Variants in SLC30A7 observed in about 807,000 individuals in gnomAD.
SLC30A7 encodes the protein solute carrier family 30 member 7, also known as zinc transporter 7.
A neutral mutation model predicts 46.0 loss-of-function variants in SLC30A7; 35 were observed. The observed-to-expected ratio is 0.76, with a 90% confidence interval of 0.58 to 1.01. SLC30A7 has a LOEUF of 1.01. SLC30A7 is among the 50% of genes least tolerant of loss of function. The pLI, the probability that SLC30A7 is intolerant of heterozygous loss-of-function variation, is 0.00. For missense variants in SLC30A7, 464 were observed against 451.1 expected (o/e 1.03, Z -0.26); for synonymous variants, 147 against 157.8 (o/e 0.93, Z 0.51).
the SLC30A7 span, chr1:100,990,598 G>T: frequency 6.2e-7 from 1 of 1,613,858 alleles, no homozygotes; most frequent in Non-Finnish European, 8.5e-7. Context: ...TCCAACCCTG[G>T]CTAAGCCAAC....
chr1:100,942,787 G>A (rs766477641), intron 8 of SLC30A7, among the ~76,000 whole-genome samples: 1 of 152,206 alleles, frequency 6.6e-6, no homozygotes, highest in Non-Finnish European at 1.5e-5. Flanking sequence ...ATTTAAAAGA[G>A]TGTTTTTAAC....
At chr1:100,897,886 C>A (rs1317387280) in intron 2 of SLC30A7, among the ~76,000 whole-genome samples, 1 of 151,990 alleles carries the variant, frequency 6.6e-6, no homozygotes, top group Non-Finnish European at 1.5e-5. Flanking sequence ...TGAAGGATAC[C>A]CCATCATAGA....
chr1:100,941,033 C>A, intron 8 of SLC30A7: 1 of 343,404 alleles, frequency 2.9e-6, no homozygotes, highest in Non-Finnish European at 5.6e-6. Flanking sequence ...CTGCTACTGC[C>A]ATAGCTTCTG....
At chr1:100,936,147 A>G (rs995828372) in intron 8 of SLC30A7, among the ~76,000 whole-genome samples, 13 of 149,220 alleles carry the variant, frequency 8.7e-5, no homozygotes, top group South Asian at 2.1e-4. Context: ...AGTATTTTCT[A>G]TGGGTGAATT....
chr1:100,910,820 A>G (rs1033248971), intron 3 of SLC30A7, among the ~76,000 whole-genome samples: 13 of 152,136 alleles, frequency 8.5e-5, no homozygotes, highest in Admixed American at 6.5e-4. Flanking sequence ...TACTCTAAGA[A>G]GATCTTTGGA....
chr1:100,918,228 A>G (rs1652715806), intron 7 of SLC30A7, 101 bp downstream of exon 7: 2 of 979,650 alleles, frequency 2.0e-6, no homozygotes, highest in South Asian at 2.9e-5. Context: ...AATATAAAAC[A>G]TAGTGTTTGT....
At chr1:100,962,935 G>A (rs956063100) in intron 9 of SLC30A7, among the ~76,000 whole-genome samples, 3 of 152,148 alleles carry the variant, frequency 2.0e-5, no homozygotes, top group Non-Finnish European at 4.4e-5. Context: ...GGGAGAGAAA[G>A]TGTTGGCTTA....
At chr1:100,898,872 A>G (rs1651133532) in intron 2 of SLC30A7, among the ~76,000 whole-genome samples, 2 of 152,336 alleles carry the variant, frequency 1.3e-5, no homozygotes, top group South Asian at 4.1e-4. Flanking sequence ...TTCTGTAAAA[A>G]TAAATTTCAA....
Position 100,917,965 on chromosome 1 carries a change from G to C in SLC30A7, c.656-112G>C, listed in dbSNP as rs564905440. ...AAAAATAAATTTGTAAGTTTGATAT[G>C]GCTATATAGCCATGCATTCTTGATG... On this transcript the variant is annotated intron_variant, in intron 6 of 10. Transcript: ENST00000357650. 2.8e-4 allele frequency: 188 copies of C among 672,708 alleles called. No homozygotes were observed. The South Asian group carries it at 4.8e-3, about 17-fold the overall frequency. The allele number at this position is 672,708 out of a possible 1,614,324, so 41.7% of individuals were successfully genotyped here.
At chr1:100,984,050 C>T (rs1013446376), downstream of SLC30A7, among the ~76,000 whole-genome samples, 2 of 152,190 alleles carry the variant, frequency 1.3e-5, no homozygotes, top group Admixed American at 6.5e-5. Flanking sequence ...AAAGTTACTA[C>T]ATTTGTAGTT....
At chr1:100,921,959 T>C in intron 8 of SLC30A7, 118 bp downstream of exon 8, 1 of 994,714 alleles carries the variant, frequency 1.0e-6, no homozygotes, top group Non-Finnish European at 1.4e-6. Flanking sequence ...GCTTTTTTTT[T>C]TTTTTTTTTT....
chr1:100,950,581 G>A (rs1654899223), intron 8 of SLC30A7, among the ~76,000 whole-genome samples: 1 of 152,090 alleles, frequency 6.6e-6, no homozygotes, highest in Admixed American at 6.5e-5. Context: ...TCTTGCCAAG[G>A]TCCACTGGGG....
chr1:100,903,705 G>C (rs544768817), intron 2 of SLC30A7, among the ~76,000 whole-genome samples: 31 of 152,142 alleles, frequency 2.0e-4, no homozygotes, highest in African/African-American at 7.2e-4. Flanking sequence ...GTAATGATTT[G>C]GCAGAGGTTT....
intron 2 of SLC30A7, among the ~76,000 whole-genome samples, chr1:100,901,279 T>C (rs1050877789): frequency 2.0e-5 from 3 of 152,196 alleles, no homozygotes; most frequent in Non-Finnish European, 4.4e-5. Context: ...CTTATATGTC[T>C]CTTAAGTTGC....
chr1:100,896,217 C>G lies in SLC30A7; in HGVS notation c.-46C>G. On this transcript the variant is annotated 5_prime_UTR_variant, in exon 1 of 11. Coordinates refer to ENST00000357650, the MANE Select transcript of SLC30A7 (RefSeq NM_133496.5). Reference sequence around the variant, plus strand: ...CTGTCACTGCCATCACCCCACGGAGCCACTTCTAGAGGGGAGTAGACCCGG... The same window carrying G: ...CTGTCACTGCCATCACCCCACGGAGGCACTTCTAGAGGGGAGTAGACCCGG... 6.4e-7 allele frequency: 1 copy of G among 1,569,240 alleles called. No homozygotes were observed. Among genetic ancestry groups the G allele is most frequent in the Non-Finnish European group, 8.8e-7 (1 of 1,139,326 alleles).
intron 2 of SLC30A7, among the ~76,000 whole-genome samples, chr1:100,902,791 C>A (rs1344727845): frequency 1.3e-5 from 2 of 152,124 alleles, no homozygotes; most frequent in African/African-American, 2.4e-5. Context: ...TGAGGGCTCA[C>A]CTTAATGACC....
intron 8 of SLC30A7, among the ~76,000 whole-genome samples, chr1:100,932,869 A>G (rs1399509656): frequency 6.6e-6 from 1 of 152,226 alleles, no homozygotes; most frequent in Non-Finnish European, 1.5e-5. Flanking sequence ...ACCTCTGTTT[A>G]CAGAATAAAT....
chr1:100,904,209 T>C (rs1651494439), intron 2 of SLC30A7, among the ~76,000 whole-genome samples: 1 of 152,210 alleles, frequency 6.6e-6, no homozygotes, highest in South Asian at 2.1e-4. Flanking sequence ...AGCTTGTTTT[T>C]AAAGACTGAA....
chr1:100,938,298 A>G (rs6657890), intron 8 of SLC30A7, among the ~76,000 whole-genome samples: 5,475 of 152,206 alleles, frequency 0.036, 339 homozygotes, highest in African/African-American at 0.13. Flanking sequence ...GCTAATGTCT[A>G]CCTTTTGAAT....
Sources: allele counts gnomAD v4.1 joint callset (sites outside exome capture counted in the v4.1 genomes callset), GRCh38; gene constraint gnomAD v4.1.1; transcripts MANE v1.5; gene names NCBI Gene and HGNC (gene_info 2026-07-23, HGNC 2026-07-21).